CEP95: variants seen among roughly 807,000 people sequenced by gnomAD.
CEP95 encodes centrosomal protein 95, also known as centrosomal protein of 95 kDa.
Under a neutral mutation model 111.2 loss-of-function variants are expected in CEP95, and 98 were observed. The ratio of observed to expected loss-of-function variants is 0.88; its 90% CI spans 0.75 to 1.04. The LOEUF (loss-of-function observed/expected upper bound fraction) is 1.04. Among genes scored for constraint, CEP95 ranks in the 50% least tolerant of loss-of-function variants. The pLI is 0.00. For synonymous variants in CEP95, 323 were observed against 327.1 expected (o/e 0.99, Z 0.14); for missense variants, 1,027 against 977.2 (o/e 1.05, Z -0.68).
chr17:64,526,180 C>G lies in CEP95; in HGVS notation c.1132C>G (p.Arg378Gly). 1.2e-6 allele frequency: 2 copies of G among 1,612,476 alleles called. No homozygotes were observed. Among genetic ancestry groups the G allele is most frequent in the Non-Finnish European group, 1.7e-6 (2 of 1,179,392 alleles). Residue 378 changes from arginine to glycine, a missense_variant, in exon 10 of 20, where the codon CGG (arginine) becomes GGG (glycine). By Grantham distance (125) the Arg-to-Gly change is moderately radical. Transcript: ENST00000556440. ...TGATGTATCAGAAAAACTCTCTCAG[C>G]GGCTTTCTGAACTAGATTGGGCAAG... The part of the protein sequence containing the change: ...LHDVSEKLSQ[R>G]LSELDWMLKS...
At chr17:64,535,758 A>G (rs1968609521) in intron 17 of CEP95, 1 of 152,198 alleles carries the variant, frequency 6.6e-6, no homozygotes, top group Admixed American at 6.5e-5. Context: ...TCACACAAAA[A>G]ACACAAATGT....
chr17:64,508,511 A>C, intron 1 of CEP95, 81 bp from the exon 2 acceptor site: 1 of 1,227,906 alleles, frequency 8.1e-7, no homozygotes, highest in Non-Finnish European at 1.0e-6. Flanking sequence ...GTTGGGGGGG[A>C]GGTTGTTGGA....
Position 64,530,940 on chromosome 17 carries a change from A to G in CEP95, c.1461A>G (p.Ala487=). Residue 487 remains alanine (A), a synonymous_variant, in exon 13 of 20, where the codon GCA becomes GCG. Coordinates refer to ENST00000556440, the MANE Select transcript of CEP95 (RefSeq NM_138363.3). ...RQFQAQAFTE[A]FERELRRHKV... ...TTCCCCTTTAGGCGTTTACTGAAGCATTTGAAAGGGAACTAAGAAGACATA... is the reference window on the plus strand; with the variant it reads ...TTCCCCTTTAGGCGTTTACTGAAGCGTTTGAAAGGGAACTAAGAAGACATA... 3 of 1,553,556 alleles carry G rather than the reference A, an allele frequency of 1.9e-6. No individual in the cohort carries two copies. Among genetic ancestry groups the G allele is most frequent in the Non-Finnish European group, 2.6e-6 (3 of 1,146,436 alleles).
intron 4 of CEP95, chr17:64,514,722 A>G (rs942844426): frequency 1.1e-4 from 34 of 320,962 alleles, no homozygotes; most frequent in Middle Eastern, 1.6e-3. Flanking sequence ...TGAGGCATCA[A>G]CAGGAAGAAT....
intron 18 of CEP95, 135 bp from the exon 19 acceptor site, chr17:64,536,906 A>G (rs1968694192): frequency 2.5e-6 from 3 of 1,187,940 alleles, no homozygotes; most frequent in South Asian, 1.6e-5. Context: ...TTTAAGATCA[A>G]ATAATACCTG....
intron 14 of CEP95, 77 bp from the exon 15 acceptor site, chr17:64,532,762 G>T (rs1968367839): frequency 1.3e-6 from 2 of 1,514,944 alleles, no homozygotes; most frequent in Non-Finnish European, 1.8e-6. Context: ...ACTTACATAA[G>T]CTTTGATCTA....
intron 11 of CEP95, among the ~76,000 whole-genome samples, chr17:64,527,858 G>A (rs1967955184): frequency 1.6e-5 from 2 of 128,852 alleles, no homozygotes; most frequent in African/African-American, 6.3e-5. Flanking sequence ...CTTAATGTGT[G>A]TGTGTGTGTG....
At chr17:64,527,029 CT>C (rs1967872207) in intron 10 of CEP95, 81 bp from the exon 11 acceptor site, 2 of 1,124,852 alleles carry the variant, frequency 1.8e-6, no homozygotes, top group East Asian at 4.8e-5. Context: ...TCAAAGGAAG[CT>C]TTTTTAAAGG....
Position 64,522,852 on chromosome 17 carries a change from C to T in CEP95, c.866C>T (p.Ser289Phe). The T allele has an allele frequency of 1.2e-6, 2 of 1,613,162 alleles. No individual in the cohort carries two copies. Among genetic ancestry groups the T allele is most frequent in the Non-Finnish European group, 1.7e-6 (2 of 1,179,692 alleles). The change falls in exon 8 of 20, where the codon TCC becomes TTC. Residue 289 changes from serine (S) to phenylalanine (F), a missense_variant. Transcript: ENST00000556440. ...GKEYLHSSHC[S>F]PAVNSTGEHT... ...GAATACTTGCATTCAAGTCACTGCT[C>T]CCCAGCCGTAAATTCTACTGGAGAG...
chr17:64,532,515 G>C, intron 14 of CEP95: 1 of 985,362 alleles, frequency 1.0e-6, no homozygotes, highest in Non-Finnish European at 1.2e-6. Flanking sequence ...TTTCTTCTAA[G>C]CACTTGCCTA....
chr17:64,526,113 C>T lies in CEP95; in HGVS notation c.1065C>T (p.Phe355=), dbSNP rs1349627163. 1.2e-6 allele frequency: 2 copies of T among 1,613,626 alleles called. No individual in the cohort carries two copies. The highest frequency in any genetic ancestry group is 1.7e-5 in the Admixed American group (1 of 59,998). The change falls in exon 10 of 20, where the codon TTC becomes TTT. Residue 355 remains phenylalanine (F), a synonymous_variant. Transcript: ENST00000556440. ...RATASSCNSP[F]PQRPRKRLTE... ...CAGCCTCATCCTGCAATTCACCTTT[C>T]CCCCAGAGGCCAAGAAAGAGATTAA...
intron 5 of CEP95, among the ~76,000 whole-genome samples, chr17:64,517,587 A>T (rs531678533): frequency 6.6e-6 from 1 of 151,564 alleles, no homozygotes; most frequent in African/African-American, 2.4e-5. Context: ...TCTGACACTC[A>T]TGGTGGAGTA....
intron 2 of CEP95, among the ~76,000 whole-genome samples, 159 bp downstream of exon 2, chr17:64,508,879 AAAAT>A (rs1305431051): frequency 5.3e-5 from 8 of 150,862 alleles, no homozygotes; most frequent in African/African-American, 1.2e-4. Flanking sequence ...ATACAATATT[AAAAT>A]AAATATTGTA....
chr17:64,507,371 G>C, intron 1 of CEP95: 1 of 1,406,122 alleles, frequency 7.1e-7, no homozygotes, highest in Admixed American at 3.1e-5. Flanking sequence ...GGTCCTGGCT[G>C]TAAAAAGAGC....
At chr17:64,507,774 A>G (rs1568116256) in intron 1 of CEP95, 1 of 985,468 alleles carries the variant, frequency 1.0e-6, no homozygotes, top group Non-Finnish European at 1.2e-6. Flanking sequence ...TCGTTTCCAG[A>G]ACGTTACGTG....
rs782370862 is a variant in CEP95, at chr17:64,525,807, C to T, written c.947C>T (p.Pro316Leu). 3 of 1,606,398 alleles carry T rather than the reference C, an allele frequency of 1.9e-6. No homozygotes were observed. The highest frequency in any genetic ancestry group is 2.2e-5 in the East Asian group (1 of 44,726). The change falls in exon 9 of 20, where the codon CCT (proline) becomes CTT (leucine). Residue 316 changes from proline (P) to leucine (L), a missense_variant. By Grantham distance (98) the Pro-to-Leu change is moderately conservative. Transcript: ENST00000556440. Reference sequence around the variant, plus strand: ...GGACTTTTCTTAATTTCCAAGTTGCCTAAAGGCAGCAAATGGGAAGTATAT... The same window carrying T: ...GGACTTTTCTTAATTTCCAAGTTGCTTAAAGGCAGCAAATGGGAAGTATAT... Reference protein sequence around the residue: ...DDGLFLISKLPKGSKWEVYPA... With the variant: ...DDGLFLISKLLKGSKWEVYPA...
chr17:64,519,443 A>G lies in CEP95; in HGVS notation c.589+7A>G, dbSNP rs782002161. On this transcript the variant is annotated splice_region_variant and intron_variant, in intron 6 of 19. Coordinates refer to ENST00000556440, the MANE Select transcript of CEP95 (RefSeq NM_138363.3). ...TTTTCTCTAAGAAGTAATGGTGAGTAGTTAAACCTGAAGTATCAGTTATTA... is the reference window on the plus strand; with the variant it reads ...TTTTCTCTAAGAAGTAATGGTGAGTGGTTAAACCTGAAGTATCAGTTATTA... The G allele has an allele frequency of 5.1e-6, 8 of 1,566,192 alleles. No individual in the cohort carries two copies. Among genetic ancestry groups the G allele is most frequent in the Non-Finnish European group, 7.0e-6 (8 of 1,136,818 alleles).
At position 64,529,330 on chromosome 17, in the gene CEP95, T is replaced by C; in HGVS notation, c.1349T>C (p.Leu450Pro). ...AAGCCACCCTACAGATCCCATTCGC[T>C]CTCTCCATCTCCAGTTAACAAACAC... ...RRKPPYRSHS[L>P]SPSPVNKHKQ... Residue 450 changes from leucine (L) to proline (P), a missense_variant, in exon 12 of 20, where the codon CTC becomes CCC. Transcript: ENST00000556440. 6.2e-7 allele frequency: 1 copy of C among 1,613,728 alleles called. No individual in the cohort carries two copies.
intron 1 of CEP95, chr17:64,508,088 A>C: frequency 1.0e-6 from 1 of 985,498 alleles, no homozygotes. Flanking sequence ...AGTTCTTAAC[A>C]GCCTAAGTTT....
Sources: allele counts gnomAD v4.1 joint callset (sites outside exome capture counted in the v4.1 genomes callset), GRCh38; gene constraint gnomAD v4.1.1; transcripts MANE v1.5; gene names NCBI Gene and HGNC (gene_info 2026-07-23, HGNC 2026-07-21).